Variants in SYNPR observed in about 807,000 individuals in gnomAD.
SYNPR encodes synaptoporin.
In SYNPR, 23 loss-of-function variants were observed where a neutral mutation model predicts 32.9. The observed-to-expected ratio is 0.70, with a 90% CI of 0.50 to 0.99. SYNPR has a LOEUF of 0.99. Ranked by LOEUF, SYNPR falls within the 50% of genes least tolerant of loss-of-function variation. The probability of loss-of-function intolerance (pLI) is 0.00; values close to 1 mark genes in which losing one functional copy is unlikely to be tolerated. For synonymous variants in SYNPR, 146 were observed against 135.9 expected (o/e 1.07, Z -0.52); for missense variants, 318 against 349.3 (o/e 0.91, Z 0.71).
At chr3:63,469,708 T>C (rs1700761085) in intron 2 of SYNPR, among the ~76,000 whole-genome samples, 1 of 152,226 alleles carries the variant, frequency 6.6e-6, no homozygotes, top group Non-Finnish European at 1.5e-5. Flanking sequence ...CAACGAATGA[T>C]TGATGCTATA....
intron 4 of SYNPR, among the ~76,000 whole-genome samples, chr3:63,571,687 T>C (rs941465858): frequency 6.6e-6 from 1 of 152,186 alleles, no homozygotes; most frequent in East Asian, 1.9e-4. Context: ...TCACCCAGAC[T>C]TTATACTCTT....
At chr3:63,293,209 T>A (rs2367786) in intron 2 of SYNPR, among the ~76,000 whole-genome samples, 1 of 151,978 alleles carries the variant, frequency 6.6e-6, no homozygotes, top group Non-Finnish European at 1.5e-5. Context: ...TCAAGTCACA[T>A]AGGTGGTAAG....
At chr3:63,282,145 T>C (rs1270804950) in intron 2 of SYNPR, among the ~76,000 whole-genome samples, 1 of 152,238 alleles carries the variant, frequency 6.6e-6, no homozygotes, top group African/African-American at 2.4e-5. Flanking sequence ...TTCTTCAGTG[T>C]TTGATTTTTT....
intron 2 of SYNPR, among the ~76,000 whole-genome samples, chr3:63,406,184 C>A (rs1228928786): frequency 6.7e-6 from 1 of 150,196 alleles, no homozygotes; most frequent in Non-Finnish European, 1.5e-5. Context: ...TCTTGAGGTG[C>A]GTGGGTTTAG....
chr3:63,537,329 T>C (rs1335482942), intron 3 of SYNPR, among the ~76,000 whole-genome samples: 2 of 152,068 alleles, frequency 1.3e-5, no homozygotes, highest in Admixed American at 1.3e-4. Flanking sequence ...CCTGCAAATT[T>C]CTTATTCTTC....
chr3:63,403,898 C>T lies in SYNPR; in HGVS notation c.85-76934C>T, dbSNP rs571183635. On this transcript the variant is annotated intron_variant, in intron 2 of 5. Transcript: ENST00000478300. Reference sequence around the variant, plus strand: ...GGCTCTGGGAGCCATCCTTGATCGACCACAACACCTACCTTGGATGTAAAC... The same window carrying T: ...GGCTCTGGGAGCCATCCTTGATCGATCACAACACCTACCTTGGATGTAAAC... Among the ~76,000 whole-genome samples, 21 of 152,304 alleles carry T rather than the reference C, an allele frequency of 1.4e-4. No homozygotes were observed. In the South Asian group the frequency reaches 1.5e-3, roughly 11 times the overall value.
At chr3:63,254,755 T>G (rs968915566) in intron 2 of SYNPR, among the ~76,000 whole-genome samples, 1 of 152,212 alleles carries the variant, frequency 6.6e-6, no homozygotes, top group African/African-American at 2.4e-5. Flanking sequence ...CCCTAGTACC[T>G]TGGAATGTAT....
chr3:63,504,318 G>A (rs145737982), intron 3 of SYNPR, among the ~76,000 whole-genome samples: 1 of 152,132 alleles, frequency 6.6e-6, no homozygotes, highest in African/African-American at 2.4e-5. Context: ...TCTGAAGCTC[G>A]CAAAATAATT....
chr3:63,381,256 A>T (rs1027348263), intron 2 of SYNPR, among the ~76,000 whole-genome samples: 2 of 152,206 alleles, frequency 1.3e-5, no homozygotes, highest in East Asian at 3.9e-4. Flanking sequence ...TTATACACCA[A>T]TAACAGACAA....
chr3:63,417,769 G>T (rs1490133493), intron 2 of SYNPR, among the ~76,000 whole-genome samples: 1 of 152,192 alleles, frequency 6.6e-6, no homozygotes. Context: ...CTCTACCTTG[G>T]CCCCTTTTAG....
rs199561962 is a variant in SYNPR at position 63,348,377 on chromosome 3, TTTG to T, written c.84+69644_84+69646del. Reference sequence around the variant, plus strand: ...CTTTGCCCACTTTTTAATGGGGTTATTTGTTGTTGTTTTTTTTGAGTTGTTTGG... The same window carrying T: ...CTTTGCCCACTTTTTAATGGGGTTATTTGTTGTTTTTTTTGAGTTGTTTGG... On this transcript the variant is annotated intron_variant, in intron 2 of 5. Coordinates refer to ENST00000478300, the MANE Select transcript of SYNPR (RefSeq NM_001130003.2). Among the ~76,000 whole-genome samples, 84 of 152,312 alleles carry T rather than the reference TTTG, an allele frequency of 5.5e-4. No individual in the cohort carries two copies. The East Asian group carries it at 0.014, about 26-fold the overall frequency.
chr3:63,226,444 A>G (rs549433262), upstream of SYNPR, among the ~76,000 whole-genome samples: 15 of 152,316 alleles, frequency 9.8e-5, no homozygotes, highest in Admixed American at 9.8e-4. Context: ...AAGATATGGA[A>G]TCAACCTAAG....
intron 2 of SYNPR, among the ~76,000 whole-genome samples, chr3:63,314,099 C>CCATATATATATATATCTATATATATATAT (rs1560189224): frequency 9.0e-6 from 1 of 111,248 alleles, no homozygotes; most frequent in Non-Finnish European, 1.9e-5. Context: ...ATATATATAT[C>CCATATATATATATATCTATATATATATAT]ACAGTTTCTT....
At chr3:63,492,576 CACTT>C in intron 3 of SYNPR, among the ~76,000 whole-genome samples, 1 of 152,282 alleles carries the variant, frequency 6.6e-6, no homozygotes, top group Non-Finnish European at 1.5e-5. Flanking sequence ...AGGATTGGGG[CACTT>C]ACTGAAAATG....
chr3:63,510,020 T>G (rs1219427554), intron 3 of SYNPR, among the ~76,000 whole-genome samples: 1 of 152,114 alleles, frequency 6.6e-6, no homozygotes, highest in Non-Finnish European at 1.5e-5. Flanking sequence ...GAAAATATCA[T>G]TCTAGCCATT....
chr3:63,615,053 T>A (rs1700257680), intron 5 of SYNPR, among the ~76,000 whole-genome samples, 171 bp from the exon 6 acceptor site: 1 of 152,216 alleles, frequency 6.6e-6, no homozygotes, highest in Admixed American at 6.5e-5. Flanking sequence ...GTGCGTCTAA[T>A]AAAGGTCAAA....
intron 2 of SYNPR, among the ~76,000 whole-genome samples, chr3:63,379,773 G>T (rs955229674): frequency 6.6e-6 from 1 of 151,860 alleles, no homozygotes; most frequent in African/African-American, 2.4e-5. Flanking sequence ...GTGCCATGTT[G>T]GTGTGCTGCA....
At chr3:63,422,757 G>A (rs1026845076) in intron 2 of SYNPR, among the ~76,000 whole-genome samples, 1 of 151,856 alleles carries the variant, frequency 6.6e-6, no homozygotes, top group Admixed American at 6.6e-5. Flanking sequence ...AAAAAAAGAC[G>A]AATATGGCTA....
At chr3:63,371,164 C>T (rs755866490) in intron 2 of SYNPR, among the ~76,000 whole-genome samples, 2 of 152,028 alleles carry the variant, frequency 1.3e-5, no homozygotes, top group Non-Finnish European at 2.9e-5. Flanking sequence ...GAGTGAGTGA[C>T]AGTCCCCAGG....
Sources: allele counts gnomAD v4.1 joint callset (sites outside exome capture counted in the v4.1 genomes callset), GRCh38; gene constraint gnomAD v4.1.1; transcripts MANE v1.5; gene names NCBI Gene and HGNC (gene_info 2026-07-23, HGNC 2026-07-21).